The following ROR2 variants were observed in gnomAD, a reference collection of about 807,000 sequenced individuals.
The protein encoded by ROR2 is ROR family WNT receptor 2, also known as tyrosine-protein kinase transmembrane receptor ROR2.
ROR2 carries 33 observed loss-of-function variants against 74.9 expected under a neutral mutation model. The observed-to-expected ratio is 0.44, with a 90% CI of 0.33 to 0.59. The LOEUF (loss-of-function observed/expected upper bound fraction) is 0.59, where lower values mean the gene tolerates loss of function less well. ROR2 is among the 20% of genes least tolerant of loss of function. The pLI, the probability that ROR2 is intolerant of heterozygous loss-of-function variation, is 0.02. For missense variants in ROR2, 1,216 were observed against 1,313.8 expected (o/e 0.93, Z 1.15); for synonymous variants, 586 against 558.7 (o/e 1.05, Z -0.69).
intron 4 of ROR2, among the ~76,000 whole-genome samples, chr9:91,755,029 C>T (rs1825701071): frequency 6.6e-6 from 1 of 152,156 alleles, no homozygotes; most frequent in Non-Finnish European, 1.5e-5. Context: ...GTGGCACGCA[C>T]CTGCAGTCCC....
At chr9:91,738,713 T>A (rs1358314013) in intron 4 of ROR2, among the ~76,000 whole-genome samples, 2 of 152,256 alleles carry the variant, frequency 1.3e-5, no homozygotes, top group Admixed American at 6.5e-5. Flanking sequence ...ATGCCTACTC[T>A]ACGCAGAAGT....
At chr9:91,925,864 T>G (rs1048856989) in intron 1 of ROR2, among the ~76,000 whole-genome samples, 1 of 152,172 alleles carries the variant, frequency 6.6e-6, no homozygotes, top group Non-Finnish European at 1.5e-5. Flanking sequence ...ACCTCAGAGA[T>G]GGGGTTTCCT....
chr9:91,945,688 A>C (rs1309807691), intron 1 of ROR2, among the ~76,000 whole-genome samples: 1 of 152,250 alleles, frequency 6.6e-6, no homozygotes, highest in African/African-American at 2.4e-5. Flanking sequence ...CAGAAATCCC[A>C]AAAACAGTGC....
chr9:91,917,656 C>T (rs909645968), intron 1 of ROR2, among the ~76,000 whole-genome samples: 1 of 152,348 alleles, frequency 6.6e-6, no homozygotes, highest in East Asian at 1.9e-4. Flanking sequence ...AGCAACGGTG[C>T]TCCCCACATT....
chr9:91,892,331 G>A (rs1037469936), intron 1 of ROR2, among the ~76,000 whole-genome samples: 1 of 152,220 alleles, frequency 6.6e-6, no homozygotes, highest in African/African-American at 2.4e-5. Context: ...ATCGTCTGCA[G>A]AAGGGCAGAG....
intron 1 of ROR2, among the ~76,000 whole-genome samples, chr9:91,874,927 C>A (rs561434405): frequency 6.9e-4 from 103 of 150,260 alleles, no homozygotes; most frequent in Admixed American, 2.0e-3. Context: ...GAGCGAAACT[C>A]CGTCTCAAAA....
chr9:91,908,336 A>C (rs913483513), intron 1 of ROR2, among the ~76,000 whole-genome samples: 12 of 152,248 alleles, frequency 7.9e-5, no homozygotes, highest in African/African-American at 2.9e-4. Flanking sequence ...ATCAATCAGA[A>C]CATCTCCTGA....
Position 91,949,860 on chromosome 9 carries a change from A to G in ROR2, c.97+7T>C, listed in dbSNP as rs377341845. The G allele has an allele frequency of 1.9e-5, 29 of 1,525,780 alleles. No homozygotes were observed. In the African/African-American group the frequency reaches 3.6e-4, roughly 19 times the overall value. 94.5% of individuals were successfully genotyped at this position (1,525,780 alleles called of 1,614,324 possible). ...GTCTGCGCACAAGCCGGAACGCCAG[A>G]TCCTACCTGAAGTCCGGGACACTGA... On this transcript the variant is annotated splice_region_variant and intron_variant, in intron 1 of 8. Coordinates refer to ENST00000375708, the MANE Select transcript of ROR2 (RefSeq NM_004560.4).
intron 1 of ROR2, among the ~76,000 whole-genome samples, chr9:91,846,487 C>CA (rs1403931571): frequency 1.3e-5 from 2 of 152,100 alleles, no homozygotes; most frequent in African/African-American, 4.8e-5. Context: ...CTCCAGCCTC[C>CA]AAACTGTAGG....
intron 1 of ROR2, among the ~76,000 whole-genome samples, chr9:91,902,542 G>A (rs781398538): frequency 3.3e-5 from 5 of 152,110 alleles, no homozygotes; most frequent in African/African-American, 4.8e-5. Context: ...GAACTGCCAA[G>A]GATCTCCGTT....
intron 1 of ROR2, among the ~76,000 whole-genome samples, chr9:91,926,660 AT>A (rs1831411229): frequency 6.6e-6 from 1 of 152,160 alleles, no homozygotes; most frequent in Non-Finnish European, 1.5e-5. Flanking sequence ...GTAGAAATCC[AT>A]CTACCTTCTT....
At chr9:91,856,729 G>A (rs568217445) in intron 1 of ROR2, among the ~76,000 whole-genome samples, 60 of 152,242 alleles carry the variant, frequency 3.9e-4, no homozygotes, top group Admixed American at 1.0e-3. Context: ...GGGTACTTAC[G>A]GCAGACTGAG....
At chr9:91,800,678 C>A (rs1737418231) in intron 1 of ROR2, among the ~76,000 whole-genome samples, 1 of 152,176 alleles carries the variant, frequency 6.6e-6, no homozygotes, top group African/African-American at 2.4e-5. Flanking sequence ...GGGCGAGGGA[C>A]CAGAGCACAG....
intron 1 of ROR2, among the ~76,000 whole-genome samples, chr9:91,807,287 G>A (rs1009040988): frequency 2.0e-5 from 3 of 152,188 alleles, no homozygotes; most frequent in Non-Finnish European, 2.9e-5. Context: ...AGATGAACAC[G>A]TGGAGGCCAA....
At chr9:91,814,896 G>T (rs978508621) in intron 1 of ROR2, among the ~76,000 whole-genome samples, 5 of 152,190 alleles carry the variant, frequency 3.3e-5, no homozygotes, top group Non-Finnish European at 7.3e-5. Flanking sequence ...ACCCAGGCCC[G>T]GCTGGTTTCC....
intron 1 of ROR2, among the ~76,000 whole-genome samples, chr9:91,869,387 A>G (rs1024555942): frequency 1.3e-5 from 2 of 152,204 alleles, no homozygotes; most frequent in Admixed American, 6.5e-5. Context: ...ACCTCTATCT[A>G]TAACTGGCAA....
chr9:91,837,682 G>A (rs923062198), intron 1 of ROR2, among the ~76,000 whole-genome samples: 18 of 152,138 alleles, frequency 1.2e-4, no homozygotes, highest in African/African-American at 3.9e-4. Flanking sequence ...TTTTCAAGAT[G>A]TTTAACGTGT....
At chr9:91,906,108 C>G (rs543135686) in intron 1 of ROR2, among the ~76,000 whole-genome samples, 1 of 152,166 alleles carries the variant, frequency 6.6e-6, no homozygotes, top group South Asian at 2.1e-4. Context: ...CCCTGAGAGG[C>G]GTCAGCGTCC....
intron 1 of ROR2, among the ~76,000 whole-genome samples, chr9:91,812,560 C>G (rs960409264): frequency 2.0e-5 from 3 of 146,746 alleles, no homozygotes; most frequent in Admixed American, 2.0e-4. Context: ...TCCTCCCCGC[C>G]CCACCCCCCC....
Sources: gnomAD v4.1 joint callset for allele counts (sites outside exome capture counted in the v4.1 genomes callset) on GRCh38, gnomAD v4.1.1 for gene constraint, MANE v1.5 for transcripts, NCBI Gene and HGNC (gene_info 2026-07-23, HGNC 2026-07-21) for gene names.